Variants in GNS observed in about 807,000 individuals in gnomAD.
GNS encodes the protein N-acetylglucosamine-6-sulfatase.
A neutral mutation model predicts 69.7 loss-of-function variants in GNS; 40 were observed. That is an observed-to-expected ratio of 0.57 (90% CI 0.45 to 0.75). The LOEUF (loss-of-function observed/expected upper bound fraction) is 0.75. Among genes scored for constraint, GNS ranks in the 30% least tolerant of loss-of-function variants. GNS has a pLI of 0.00. For synonymous variants in GNS, 243 were observed against 251.6 expected, an observed-to-expected ratio of 0.97 and a Z score of 0.32; for missense variants, 565 against 685.5, an observed-to-expected ratio of 0.82 and a Z score of 1.96.
intron 2 of GNS, among the ~76,000 whole-genome samples, chr12:64,748,915 C>CT (rs1358660385): frequency 6.6e-6 from 1 of 152,142 alleles, no homozygotes; most frequent in Non-Finnish European, 1.5e-5. Flanking sequence ...GTTTTTTTGC[C>CT]TTTCAAATTT....
chr12:64,718,386 T>C (rs1868929100), intron 13 of GNS, among the ~76,000 whole-genome samples: 1 of 152,242 alleles, frequency 6.6e-6, no homozygotes. Context: ...GGAAGACAAT[T>C]TGTTGCAGTT....
Position 64,759,227 on chromosome 12 carries a change from C to A in GNS, c.50G>T (p.Arg17Leu). 6.5e-7 allele frequency: 1 copy of A among 1,544,450 alleles called. No individual in the cohort carries two copies. The highest frequency in any genetic ancestry group is 8.7e-7 in the Non-Finnish European group (1 of 1,144,280). The stretch of plus-strand genomic sequence containing the variant: ...CGCTGGGCTGCAGGAGGGCAGGTGG[C>A]GGGGGCTGCCCCGCCGGAGCCGACC... ...APGRLRRGSP[R>L]HLPSCSPALL... Residue 17 changes from arginine (R) to leucine (L), a missense_variant, in exon 1 of 14, where the codon CGC becomes CTC. By Grantham distance (102) the Arg-to-Leu change is moderately radical (BLOSUM62 -2). Transcript: ENST00000258145.
chr12:64,720,493 T>C (rs970179722), intron 12 of GNS, among the ~76,000 whole-genome samples: 10 of 152,328 alleles, frequency 6.6e-5, no homozygotes, highest in African/African-American at 2.4e-4. Context: ...CATTATCTTC[T>C]GTAATTAGAA....
chr12:64,739,563 C>G (rs1414852250), intron 7 of GNS, 64 bp from the exon 8 acceptor site: 39 of 379,014 alleles, frequency 1.0e-4, no homozygotes, highest in Non-Finnish European at 1.7e-4. Flanking sequence ...CACTATCTTG[C>G]CAAAAAAAAA....
chr12:64,743,256 A>C lies in GNS; in HGVS notation c.677T>G (p.Phe226Cys). The change falls in exon 6 of 14, where the codon TTC becomes TGC. Residue 226 changes from phenylalanine (F) to cysteine (C), a missense_variant. Phe to Cys is a radical substitution (Grantham distance 205). Coordinates refer to ENST00000258145, the MANE Select transcript of GNS (RefSeq NM_002076.4). ...LDYKSNFEPF[F>C]MMIATPAPHS... ...AGGCGCTGGAGTGGCGATCATCATGAAGAAGGGCTCAAAGTTGGACTTGTA... is the reference window on the plus strand; with the variant it reads ...AGGCGCTGGAGTGGCGATCATCATGCAGAAGGGCTCAAAGTTGGACTTGTA... The C allele has an allele frequency of 6.2e-7, 1 of 1,613,282 alleles. No individual in the cohort carries two copies. Among genetic ancestry groups the C allele is most frequent in the Non-Finnish European group, 8.5e-7 (1 of 1,179,262 alleles).
rs1168212943 is a variant in GNS at position 64,739,452 on chromosome 12, T to C, written c.923A>G (p.Lys308Arg). 6.2e-7 allele frequency: 1 copy of C among 1,610,602 alleles called. No homozygotes were observed. The change falls in exon 8 of 14, where the codon AAG (lysine) becomes AGG (arginine). Residue 308 changes from lysine (K) to arginine (R), a missense_variant. Lys to Arg is a conservative substitution (Grantham distance 26). Transcript: ENST00000258145. ...SVDDLVEKLV[K>R]RLEFTGELNN... The stretch of plus-strand genomic sequence containing the variant: ...GAGCTCCCCAGTGAACTCCAGCCTC[T>C]TGACCAGTTTCTCCACAAGGTCATC...
chr12:64,733,858 A>G lies in GNS; in HGVS notation c.1098+3146T>C, dbSNP rs181833682. ...CCTTTTGCAGAACTTCTACCACCAAATCTAAAGCTAAACTAGTCAGAGGAG... is the reference window on the plus strand; with the variant it reads ...CCTTTTGCAGAACTTCTACCACCAAGTCTAAAGCTAAACTAGTCAGAGGAG... On this transcript the variant is annotated intron_variant, in intron 9 of 13. Transcript: ENST00000258145. Among the ~76,000 whole-genome samples, 200 of 152,296 alleles carry G rather than the reference A, an allele frequency of 1.3e-3. 1 individual carries two copies. Among genetic ancestry groups the G allele is most frequent in the Non-Finnish European group, 2.2e-3 (151 of 68,012 alleles).
At chr12:64,748,909 T>C (rs1869980963) in intron 2 of GNS, among the ~76,000 whole-genome samples, 1 of 152,234 alleles carries the variant, frequency 6.6e-6, no homozygotes, top group East Asian at 1.9e-4. Context: ...TAGCAAGTTT[T>C]TTTGCCTTTC....
At chr12:64,730,367 A>G (rs1869345338) in intron 9 of GNS, among the ~76,000 whole-genome samples, 1 of 151,866 alleles carries the variant, frequency 6.6e-6, no homozygotes, top group African/African-American at 2.4e-5. Context: ...AGATAAAACA[A>G]AACAAAAACA....
intron 4 of GNS, 81 bp from the exon 5 acceptor site, chr12:64,744,988 A>G (rs2136248476): frequency 1.3e-6 from 1 of 745,136 alleles, no homozygotes; most frequent in African/African-American, 1.7e-5. Flanking sequence ...GCTAAACTCT[A>G]CTCTGAGCAG....
intron 12 of GNS, among the ~76,000 whole-genome samples, chr12:64,721,322 A>G (rs555978586): frequency 5.4e-4 from 82 of 152,256 alleles, no homozygotes; most frequent in Middle Eastern, 3.4e-3. Flanking sequence ...AAGCTAACAG[A>G]CAAAGCATTT....
chr12:64,757,731 T>C (rs1257649399), intron 1 of GNS, among the ~76,000 whole-genome samples: 1 of 152,170 alleles, frequency 6.6e-6, no homozygotes, highest in Non-Finnish European at 1.5e-5. Context: ...CTCACACACA[T>C]GGACCTTTTC....
In GNS at chr12:64,723,094, G is replaced by A. The variant is rs1419898041; in HGVS notation, c.1220C>T (p.Thr407Ile). ...TTCCACCAGGACATCTGATCGCCAG[G>A]TCAAGTTACTGGCACCTCTCTAGAA... is the stretch of plus-strand genomic sequence containing the variant. ...LPILRGASNL[T>I]WRSDVLVEYQ... The change falls in exon 11 of 14, where the codon ACC becomes ATC. Residue 407 changes from threonine to isoleucine, a missense_variant. Physicochemically the swap from Thr to Ile is moderately conservative, Grantham distance 89 (BLOSUM62 -1). Transcript: ENST00000258145. The A allele has an allele frequency of 6.2e-7, 1 of 1,607,196 alleles. No homozygotes were observed. Among genetic ancestry groups the A allele is most frequent in the East Asian group, 2.2e-5 (1 of 44,858 alleles).
chr12:64,752,792 C>G, intron 1 of GNS, 35 bp from the exon 2 acceptor site: 1 of 1,060,352 alleles, frequency 9.4e-7, no homozygotes, highest in Non-Finnish European at 1.5e-6. Context: ...TAAACAATTT[C>G]TTCCAATAAA....
intron 1 of GNS, chr12:64,753,033 C>A: frequency 2.1e-6 from 1 of 476,060 alleles, no homozygotes; most frequent in East Asian, 4.0e-5. Context: ...CATCAGCGCC[C>A]AGATAAGGCA....
intron 5 of GNS, 126 bp downstream of exon 5, chr12:64,744,683 A>C: frequency 2.8e-6 from 2 of 702,096 alleles, no homozygotes; most frequent in Non-Finnish European, 5.3e-6. Flanking sequence ...GGGCAGTTAG[A>C]CCAAGTTACT....
At chr12:64,744,265 C>T (rs1011896442) in intron 5 of GNS, among the ~76,000 whole-genome samples, 4 of 152,196 alleles carry the variant, frequency 2.6e-5, no homozygotes, top group African/African-American at 9.7e-5. Context: ...GACTTTGCTT[C>T]ATTTACTGTT....
At position 64,743,213 on chromosome 12, in the gene GNS, A is replaced by G. The variant is rs2136247587; in HGVS notation, c.720T>C (p.Ala240=). The G allele has an allele frequency of 1.2e-6, 2 of 1,613,056 alleles. No individual in the cohort carries two copies. The highest frequency in any genetic ancestry group is 1.3e-5 in the African/African-American group (1 of 75,028). ...GGAAAGCCTTCTGGTACTGAGGTGC[A>G]GCTGTCCAAGGCGAATGAGGCGCTG... ...ATPAPHSPWT[A]APQYQKAFQN... is the part of the protein sequence containing the mutation. The change falls in exon 6 of 14, where the codon GCT becomes GCC. Residue 240 remains alanine, a synonymous_variant. Transcript: ENST00000258145.
intron 1 of GNS, among the ~76,000 whole-genome samples, chr12:64,754,142 C>T (rs1273373872): frequency 2.6e-5 from 4 of 152,178 alleles, no homozygotes; most frequent in Non-Finnish European, 5.9e-5. Flanking sequence ...ACAACACGTG[C>T]CAGGCATTAA....
Sources: gnomAD v4.1 joint callset for allele counts (sites outside exome capture counted in the v4.1 genomes callset) on GRCh38, gnomAD v4.1.1 for gene constraint, MANE v1.5 for transcripts, NCBI Gene and HGNC (gene_info 2026-07-23, HGNC 2026-07-21) for gene names.